ZCCHC17: variants seen among roughly 807,000 people sequenced by gnomAD.
The protein encoded by ZCCHC17 is zinc finger CCHC domain-containing protein 17.
In ZCCHC17, 18 loss-of-function variants were observed where a neutral mutation model predicts 30.6. The ratio of observed to expected loss-of-function variants is 0.59; its 90% confidence interval spans 0.41 to 0.87. The LOEUF (loss-of-function observed/expected upper bound fraction) is 0.87. Ranked by LOEUF, ZCCHC17 falls within the 40% of genes least tolerant of loss-of-function variation. The pLI, the probability that ZCCHC17 is intolerant of heterozygous loss-of-function variation, is 0.00. For missense variants in ZCCHC17, 263 were observed against 284.2 expected (o/e 0.93, Z 0.54); for synonymous variants, 88 against 92.4 (o/e 0.95, Z 0.27).
rs576495473 is a variant in ZCCHC17 at position 31,318,334 on chromosome 1, G to C, written c.67-775G>C. Reference sequence around the variant, plus strand: ...CCCTCGATCCACAGGTTGGGGGATGGGGTAGGCTACAGGGGGAAGAGAGAG... The same window carrying C: ...CCCTCGATCCACAGGTTGGGGGATGCGGTAGGCTACAGGGGGAAGAGAGAG... On this transcript the variant is annotated intron_variant, in intron 2 of 7. Coordinates refer to ENST00000344147, the MANE Select transcript of ZCCHC17 (RefSeq NM_016505.4). 47 of 1,031,898 alleles carry C rather than the reference G, an allele frequency of 4.6e-5. 2 individuals carry two copies. In the South Asian group the frequency reaches 6.4e-4, roughly 14 times the overall value. 63.9% of individuals were successfully genotyped at this position (1,031,898 alleles called of 1,614,324 possible). A position where few individuals can be genotyped will look rare whatever the true frequency, so the allele number is the denominator to read the frequency against.
intron 7 of ZCCHC17, among the ~76,000 whole-genome samples, chr1:31,355,260 G>A (rs1427935300): frequency 6.6e-6 from 1 of 151,978 alleles, no homozygotes; most frequent in African/African-American, 2.4e-5. Flanking sequence ...AGTGTTCTAG[G>A]GAGTGTAGAA....
At chr1:31,345,024 ATTT>A (rs546042719) in intron 5 of ZCCHC17, among the ~76,000 whole-genome samples, 2 of 134,762 alleles carry the variant, frequency 1.5e-5, no homozygotes, top group Non-Finnish European at 1.6e-5. Flanking sequence ...ATGCCTGGCT[ATTT>A]TTTTTTTTTT....
intron 7 of ZCCHC17, among the ~76,000 whole-genome samples, chr1:31,355,159 AG>A (rs1444598716): frequency 2.0e-5 from 3 of 146,664 alleles, no homozygotes; most frequent in Non-Finnish European, 4.5e-5. Context: ...TGGGCGACAG[AG>A]TGAGACTCCA....
At chr1:31,340,986 A>G (rs989736660) in intron 5 of ZCCHC17, among the ~76,000 whole-genome samples, 3 of 152,180 alleles carry the variant, frequency 2.0e-5, no homozygotes, top group African/African-American at 7.2e-5. Context: ...CAACCTGCAA[A>G]GTGGATGTTA....
chr1:31,313,883 T>A (rs1646665287), intron 2 of ZCCHC17, among the ~76,000 whole-genome samples: 1 of 149,114 alleles, frequency 6.7e-6, no homozygotes, highest in African/African-American at 2.5e-5. Flanking sequence ...TTTTTTTTTT[T>A]GGACAGAGTC....
At chr1:31,324,387 T>A (rs1220088492) in intron 3 of ZCCHC17, among the ~76,000 whole-genome samples, 1 of 152,208 alleles carries the variant, frequency 6.6e-6, no homozygotes, top group African/African-American at 2.4e-5. Context: ...CTGCATGTTC[T>A]ATGGAGCTGG....
chr1:31,347,895 C>G (rs1639332405), intron 6 of ZCCHC17, among the ~76,000 whole-genome samples: 1 of 152,198 alleles, frequency 6.6e-6, no homozygotes, highest in Admixed American at 6.5e-5. Context: ...GCATAAGCCA[C>G]TGTGCCCAGC....
chr1:31,297,434 C>G (rs947526820), intron 1 of ZCCHC17, among the ~76,000 whole-genome samples: 1 of 152,204 alleles, frequency 6.6e-6, no homozygotes, highest in African/African-American at 2.4e-5. Context: ...AGTTTTTGAT[C>G]AGGGCCTACT....
chr1:31,303,942 G>A (rs1241018465), intron 1 of ZCCHC17, among the ~76,000 whole-genome samples: 2 of 152,098 alleles, frequency 1.3e-5, no homozygotes, highest in South Asian at 4.1e-4. Flanking sequence ...CTATATTGCA[G>A]TTCTCTTTGT....
chr1:31,308,094 G>C (rs2148411873), intron 1 of ZCCHC17, among the ~76,000 whole-genome samples: 1 of 152,310 alleles, frequency 6.6e-6, no homozygotes, highest in African/African-American at 2.4e-5. Context: ...ACAGGCTAGA[G>C]ATGAGATTGT....
intron 3 of ZCCHC17, among the ~76,000 whole-genome samples, chr1:31,336,672 C>T (rs1557445553): frequency 7.2e-6 from 1 of 139,688 alleles, no homozygotes; most frequent in Non-Finnish European, 1.6e-5. Flanking sequence ...ATTTTATTTA[C>T]TTATTTTTTT....
chr1:31,309,110 A>G (rs1055802379), intron 1 of ZCCHC17, among the ~76,000 whole-genome samples: 3 of 151,470 alleles, frequency 2.0e-5, no homozygotes, highest in African/African-American at 7.3e-5. Flanking sequence ...TTTTATCAAG[A>G]AAAAAAAAGT....
intron 5 of ZCCHC17, among the ~76,000 whole-genome samples, chr1:31,340,771 T>A (rs889056187): frequency 6.6e-6 from 1 of 152,246 alleles, no homozygotes; most frequent in African/African-American, 2.4e-5. Context: ...ATGACAATTA[T>A]GTCATTGATG....
intron 3 of ZCCHC17, among the ~76,000 whole-genome samples, chr1:31,324,765 C>A (rs1241834682): frequency 6.6e-6 from 1 of 152,106 alleles, no homozygotes; most frequent in Non-Finnish European, 1.5e-5. Context: ...TCAGCATGGG[C>A]CTGCAGGTGC....
intron 7 of ZCCHC17, among the ~76,000 whole-genome samples, chr1:31,361,195 T>C (rs769216823): frequency 6.6e-5 from 10 of 152,216 alleles, no homozygotes; most frequent in Non-Finnish European, 1.0e-4. Context: ...AGCTCGGTAA[T>C]GTGGGTCTGA....
In ZCCHC17 at chr1:31,297,069, A is replaced by T. The variant is rs935323812; in HGVS notation, c.-62A>T. The T allele has an allele frequency of 4.6e-6, 2 of 435,904 alleles. No individual in the cohort carries two copies. Among genetic ancestry groups the T allele is most frequent in the East Asian group, 3.5e-5 (1 of 28,942 alleles). The allele number at this position is 435,904 out of a possible 1,614,324, so 27.0% of individuals were successfully genotyped here. A position where few individuals can be genotyped will look rare whatever the true frequency, so the allele number is the denominator to read the frequency against. The stretch of plus-strand genomic sequence containing the variant: ...GCAGCGACTCGGGGACCTGGAGCTG[A>T]CGCCTAGTACGTATGAGGAAGAACG... On this transcript the variant is annotated 5_prime_UTR_variant, in exon 1 of 8. Transcript: ENST00000344147.
chr1:31,345,084 C>A (rs972068729), intron 5 of ZCCHC17, among the ~76,000 whole-genome samples: 1 of 150,596 alleles, frequency 6.6e-6, no homozygotes, highest in African/African-American at 2.4e-5. Context: ...ATTGTGATTA[C>A]CCTTGGGGGA....
At chr1:31,304,669 C>T (rs1038739239) in intron 1 of ZCCHC17, among the ~76,000 whole-genome samples, 2 of 151,536 alleles carry the variant, frequency 1.3e-5, no homozygotes, top group East Asian at 3.9e-4. Context: ...GATCTTGGTT[C>T]ACTGCAAGCT....
At chr1:31,310,776 A>C (rs1646581653) in intron 2 of ZCCHC17, among the ~76,000 whole-genome samples, 1 of 152,218 alleles carries the variant, frequency 6.6e-6, no homozygotes, top group Admixed American at 6.5e-5. Context: ...CACTCAAAAA[A>C]TTGTTTCTCT....
Sources: gnomAD v4.1 joint callset for allele counts (sites outside exome capture counted in the v4.1 genomes callset) on GRCh38, gnomAD v4.1.1 for gene constraint, MANE v1.5 for transcripts, NCBI Gene and HGNC (gene_info 2026-07-23, HGNC 2026-07-21) for gene names.